Variants in SLC30A9 observed in about 807,000 individuals in gnomAD.
SLC30A9 encodes proton-coupled zinc antiporter SLC30A9, mitochondrial.
SLC30A9 carries 58 observed loss-of-function variants against 87.5 expected under a neutral mutation model. The ratio of observed to expected loss-of-function variants is 0.66; its 90% CI spans 0.54 to 0.82. The LOEUF is 0.82. Among genes scored for constraint, SLC30A9 ranks in the 40% least tolerant of loss-of-function variants. The pLI is 0.00. For missense variants in SLC30A9, 557 were observed against 679.1 expected (o/e 0.82, Z 2.00); for synonymous variants, 234 against 233.0 (o/e 1.00, Z -0.04).
chr4:42,070,900 T>TCA, intron 15 of SLC30A9, among the ~76,000 whole-genome samples: 1 of 152,318 alleles, frequency 6.6e-6, no homozygotes, highest in Admixed American at 6.5e-5. Flanking sequence ...TTTCTATACT[T>TCA]CTAATTTTTA....
At chr4:42,051,915 C>G (rs1037697436) in intron 9 of SLC30A9, among the ~76,000 whole-genome samples, 1 of 151,522 alleles carries the variant, frequency 6.6e-6, no homozygotes, top group African/African-American at 2.4e-5. Flanking sequence ...GGAAAAAACC[C>G]TACAGACCAG....
chr4:42,001,509 C>A, intron 1 of SLC30A9, 107 bp from the exon 2 acceptor site: 1 of 542,228 alleles, frequency 1.8e-6, no homozygotes, highest in Non-Finnish European at 3.2e-6. Flanking sequence ...AATGGTATTT[C>A]ATGTGTACCT....
In SLC30A9 at chr4:42,086,981, A is replaced by G. The variant is rs1423383111; in HGVS notation, c.*855A>G. On this transcript the variant is annotated 3_prime_UTR_variant, in exon 18 of 18. Coordinates refer to ENST00000264451, the MANE Select transcript of SLC30A9 (RefSeq NM_006345.4). ...TTTAAAATTCTGTAAAGTGGGTTAG[A>G]AATATTTATAATTTTACAGGCAGGA... is the stretch of plus-strand genomic sequence containing the variant. The G allele has an allele frequency of 6.6e-6, 1 of 152,128 alleles. No homozygotes were observed. The highest frequency in any genetic ancestry group is 1.9e-4 in the East Asian group (1 of 5,196). The allele number at this position is 152,128 out of a possible 1,614,324, so 9.4% of individuals were successfully genotyped here. A position where few individuals can be genotyped will look rare whatever the true frequency, so the allele number is the denominator to read the frequency against.
At chr4:42,019,807 T>G (rs979675664) in intron 3 of SLC30A9, among the ~76,000 whole-genome samples, 2 of 151,980 alleles carry the variant, frequency 1.3e-5, no homozygotes, top group African/African-American at 4.8e-5. Flanking sequence ...TATTTATTAT[T>G]TTTTTTGGAC....
At chr4:42,013,116 A>G (rs961927261) in intron 2 of SLC30A9, among the ~76,000 whole-genome samples, 2 of 152,000 alleles carry the variant, frequency 1.3e-5, no homozygotes, top group African/African-American at 4.8e-5. Flanking sequence ...CTTCATCTCT[A>G]CAAAAAATTT....
At chr4:42,075,421 A>G (rs1190894384) in intron 15 of SLC30A9, among the ~76,000 whole-genome samples, 2 of 152,054 alleles carry the variant, frequency 1.3e-5, no homozygotes, top group African/African-American at 4.8e-5. Flanking sequence ...ATAAATTACC[A>G]TAAAATAATA....
intron 4 of SLC30A9, among the ~76,000 whole-genome samples, chr4:42,021,776 G>A (rs1301887239): frequency 4.0e-5 from 6 of 151,646 alleles, no homozygotes; most frequent in Admixed American, 6.6e-5. Flanking sequence ...TTGAGACAGG[G>A]TCTCACTCTG....
chr4:42,023,702 C>T (rs1716070514), intron 6 of SLC30A9, among the ~76,000 whole-genome samples: 1 of 152,126 alleles, frequency 6.6e-6, no homozygotes, highest in Non-Finnish European at 1.5e-5. Flanking sequence ...GAAGTAATTG[C>T]TGTATTAGTC....
At chr4:42,045,584 TA>T (rs34964085) in intron 8 of SLC30A9, among the ~76,000 whole-genome samples, 3,113 of 134,742 alleles carry the variant, frequency 0.023, 76 homozygotes, top group African/African-American at 0.076. Context: ...GCCTATCAAC[TA>T]AAAAAAAAAA....
At chr4:42,013,497 G>A (rs1715541772) in intron 2 of SLC30A9, among the ~76,000 whole-genome samples, 1 of 152,044 alleles carries the variant, frequency 6.6e-6, no homozygotes. Flanking sequence ...ATAGGTTTAG[G>A]TTACTAAACC....
chr4:42,057,802 C>T (rs1717680163), intron 9 of SLC30A9, among the ~76,000 whole-genome samples: 3 of 152,076 alleles, frequency 2.0e-5, no homozygotes, highest in Admixed American at 2.0e-4. Context: ...CTCTGTTTCC[C>T]TTTTAAAACT....
At chr4:42,029,533 A>G (rs1294412647) in intron 6 of SLC30A9, 14 of 679,090 alleles carry the variant, frequency 2.1e-5, no homozygotes, top group Non-Finnish European at 3.3e-5. Context: ...GAACGTAGTT[A>G]GGTTCCTGGA....
intron 9 of SLC30A9, among the ~76,000 whole-genome samples, chr4:42,058,019 T>C (rs1717690308): frequency 6.6e-6 from 1 of 150,890 alleles, no homozygotes; most frequent in African/African-American, 2.4e-5. Context: ...GGATAATCGC[T>C]TGAACCTGGG....
At chr4:42,076,974 A>AAAAAAC (rs200061915) in intron 16 of SLC30A9, among the ~76,000 whole-genome samples, 4 of 141,262 alleles carry the variant, frequency 2.8e-5, no homozygotes, top group African/African-American at 1.1e-4. Flanking sequence ...AAAAAAAAAA[A>AAAAAAC]AAAGAAAGAA....
chr4:42,056,591 G>A (rs1717625541), intron 9 of SLC30A9, among the ~76,000 whole-genome samples: 1 of 152,144 alleles, frequency 6.6e-6, no homozygotes. Flanking sequence ...AGATTTGGGT[G>A]GGGACACAGC....
chr4:42,051,555 TA>T (rs1168020143), intron 9 of SLC30A9, among the ~76,000 whole-genome samples: 9 of 152,172 alleles, frequency 5.9e-5, no homozygotes, highest in East Asian at 3.9e-4. Context: ...ATCAAAGGTA[TA>T]AAAAATAAAC....
intron 9 of SLC30A9, among the ~76,000 whole-genome samples, chr4:42,055,121 C>T (rs5004462): frequency 6.6e-6 from 1 of 151,972 alleles, no homozygotes. Flanking sequence ...GTCAGGAGTT[C>T]AAGACCAGCC....
At position 42,075,618 on chromosome 4, in the gene SLC30A9, A is replaced by G. The variant is rs759795571; in HGVS notation, c.1419-39A>G. ...TATTAAAGTATATATATGTGTATGT[A>G]TGTATAAATAAATTTGTATGCATTG... On this transcript the variant is annotated intron_variant, in intron 15 of 17. Coordinates refer to ENST00000264451, the MANE Select transcript of SLC30A9 (RefSeq NM_006345.4). 39 of 1,554,594 alleles carry G rather than the reference A, an allele frequency of 2.5e-5. No individual in the cohort carries two copies. In the Middle Eastern group the frequency reaches 8.5e-4, roughly 34 times the overall value.
At chr4:42,024,691 G>T (rs1716112165) in intron 6 of SLC30A9, among the ~76,000 whole-genome samples, 1 of 152,090 alleles carries the variant, frequency 6.6e-6, no homozygotes, top group Admixed American at 6.5e-5. Context: ...CAGTGTATGA[G>T]GGAGACTATT....
Sources: allele counts gnomAD v4.1 joint callset (sites outside exome capture counted in the v4.1 genomes callset), GRCh38; gene constraint gnomAD v4.1.1; transcripts MANE v1.5; gene names NCBI Gene and HGNC (gene_info 2026-07-23, HGNC 2026-07-21).